ATG10: variants seen among roughly 807,000 people sequenced by gnomAD.
The protein encoded by ATG10 is ubiquitin-like-conjugating enzyme ATG10.
In ATG10, 30 loss-of-function variants were observed where a neutral mutation model predicts 32.1. The observed-to-expected ratio is 0.94, with a 90% CI of 0.70 to 1.27. ATG10 has a LOEUF of 1.27. Ranked by LOEUF, ATG10 falls within the 50% of genes most tolerant of loss-of-function variation. The pLI is 0.00. For missense variants in ATG10, 233 were observed against 262.3 expected, an observed-to-expected ratio of 0.89 and a Z score of 0.77; for synonymous variants, 87 against 91.5, an observed-to-expected ratio of 0.95 and a Z score of 0.28.
intron 5 of ATG10, among the ~76,000 whole-genome samples, chr5:82,244,126 G>C (rs1561376207): frequency 6.6e-6 from 1 of 152,146 alleles, no homozygotes; most frequent in Non-Finnish European, 1.5e-5. Flanking sequence ...GATTAAATCT[G>C]AGTTGGGCTG....
At chr5:82,009,792 G>A (rs72503406) in intron 2 of ATG10, 62 of 1,606,862 alleles carry the variant, frequency 3.9e-5, no homozygotes, top group Non-Finnish European at 5.0e-5. Flanking sequence ...TCCAGCATTT[G>A]CCATGGACAA....
chr5:82,035,554 AT>A (rs892859125), intron 2 of ATG10, among the ~76,000 whole-genome samples: 2 of 151,950 alleles, frequency 1.3e-5, no homozygotes, highest in Admixed American at 1.3e-4. Context: ...TGATTTCTAA[AT>A]TTTTTTATTC....
At chr5:82,011,426 A>G in intron 2 of ATG10, among the ~76,000 whole-genome samples, 1 of 152,240 alleles carries the variant, frequency 6.6e-6, no homozygotes, top group East Asian at 1.9e-4. Flanking sequence ...CCCTCTGCCA[A>G]CCTGCCTCTA....
At chr5:82,167,450 A>G (rs1172114926) in intron 4 of ATG10, among the ~76,000 whole-genome samples, 1 of 152,190 alleles carries the variant, frequency 6.6e-6, no homozygotes, top group Admixed American at 6.5e-5. Context: ...GAAACGATAA[A>G]GAAGAATTTC....
chr5:82,103,284 TA>T lies in ATG10; in HGVS notation c.216+44683del, dbSNP rs1195444722. Among the ~76,000 whole-genome samples the T allele has an allele frequency of 3.3e-5, 5 of 152,216 alleles. No homozygotes were observed. The East Asian group carries it at 9.6e-4, about 29-fold the overall frequency. On this transcript the variant is annotated intron_variant, in intron 3 of 7. Coordinates refer to ENST00000282185, the MANE Select transcript of ATG10 (RefSeq NM_031482.5). ...TAAAATAATTTATTTGTAAAGCTTTTATGACAGTATCTGATACACATTGATC... is the reference window on the plus strand; with the variant it reads ...TAAAATAATTTATTTGTAAAGCTTTTTGACAGTATCTGATACACATTGATC...
chr5:82,139,996 T>G (rs1439922903), intron 3 of ATG10, among the ~76,000 whole-genome samples: 2 of 119,372 alleles, frequency 1.7e-5, no homozygotes, highest in African/African-American at 6.4e-5. Context: ...GGGGCGCCTC[T>G]GCCCGGCCGC....
chr5:82,066,366 G>T (rs758521387), intron 3 of ATG10, among the ~76,000 whole-genome samples: 1 of 152,126 alleles, frequency 6.6e-6, no homozygotes, highest in Non-Finnish European at 1.5e-5. Context: ...GGTATCAGAG[G>T]TGGGTACCAA....
At chr5:82,196,212 T>A (rs1744845313) in intron 5 of ATG10, among the ~76,000 whole-genome samples, 1 of 152,198 alleles carries the variant, frequency 6.6e-6, no homozygotes, top group Non-Finnish European at 1.5e-5. Flanking sequence ...ACTCAAATCC[T>A]TTGTGCACTT....
intron 2 of ATG10, among the ~76,000 whole-genome samples, chr5:81,995,194 G>A (rs570815627): frequency 3.3e-5 from 5 of 152,220 alleles, no homozygotes; most frequent in African/African-American, 7.2e-5. Context: ...ACAGTGGCAC[G>A]ATCTCGACTC....
intron 3 of ATG10, among the ~76,000 whole-genome samples, chr5:82,154,926 T>C (rs888323740): frequency 2.0e-5 from 3 of 152,230 alleles, no homozygotes; most frequent in Non-Finnish European, 2.9e-5. Flanking sequence ...TCCTTGCTGA[T>C]TCCTAGACAT....
chr5:82,050,191 T>C (rs894197984), intron 2 of ATG10, among the ~76,000 whole-genome samples: 2 of 152,122 alleles, frequency 1.3e-5, no homozygotes, highest in South Asian at 2.1e-4. Context: ...TTATTATTTA[T>C]AATAGCTATG....
At chr5:82,059,119 G>C (rs1411115150) in intron 3 of ATG10, among the ~76,000 whole-genome samples, 2 of 152,022 alleles carry the variant, frequency 1.3e-5, no homozygotes, top group Non-Finnish European at 2.9e-5. Flanking sequence ...TTATTCCTTA[G>C]GGGACTTTAA....
chr5:82,202,362 C>T (rs1449234047), intron 5 of ATG10, among the ~76,000 whole-genome samples: 1 of 152,130 alleles, frequency 6.6e-6, no homozygotes, highest in Non-Finnish European at 1.5e-5. Context: ...AAAAACTGAC[C>T]TCCCCTGAGC....
At chr5:82,058,725 T>C (rs1406512997) in intron 3 of ATG10, 123 bp downstream of exon 3, 11 of 591,464 alleles carry the variant, frequency 1.9e-5, no homozygotes, top group Non-Finnish European at 3.3e-5. Flanking sequence ...GGCACTCATA[T>C]TGAAATAAAA....
chr5:82,007,246 A>G (rs1762009428), intron 2 of ATG10, among the ~76,000 whole-genome samples: 1 of 152,204 alleles, frequency 6.6e-6, no homozygotes, highest in South Asian at 2.1e-4. Flanking sequence ...GTGAATTTCT[A>G]TTAGATGATG....
intron 3 of ATG10, among the ~76,000 whole-genome samples, chr5:82,104,629 G>A (rs1385005569): frequency 1.3e-5 from 2 of 152,050 alleles, no homozygotes; most frequent in Non-Finnish European, 2.9e-5. Flanking sequence ...TTAGCTGAAG[G>A]CAAGAGAAAG....
intron 4 of ATG10, among the ~76,000 whole-genome samples, chr5:82,176,438 G>T (rs1025188642): frequency 6.6e-6 from 1 of 152,038 alleles, no homozygotes; most frequent in Non-Finnish European, 1.5e-5. Context: ...TCCTACTACA[G>T]GTATTTGTTT....
chr5:82,153,756 A>G (rs1340668030), intron 3 of ATG10, among the ~76,000 whole-genome samples: 1 of 152,028 alleles, frequency 6.6e-6, no homozygotes, highest in Non-Finnish European at 1.5e-5. Context: ...CTCTAATAGT[A>G]TTTGTTGTAA....
chr5:82,163,958 A>C (rs1743471653), intron 3 of ATG10, among the ~76,000 whole-genome samples: 2 of 152,218 alleles, frequency 1.3e-5, no homozygotes. Context: ...TGTTCAGCAC[A>C]CAATGAATCA....
Sources: allele counts gnomAD v4.1 joint callset (sites outside exome capture counted in the v4.1 genomes callset), GRCh38; gene constraint gnomAD v4.1.1; transcripts MANE v1.5; gene names NCBI Gene and HGNC (gene_info 2026-07-23, HGNC 2026-07-21).